Variants in AK1 observed in about 807,000 individuals in gnomAD.
AK1 encodes adenylate kinase isoenzyme 1.
A neutral mutation model predicts 23.9 loss-of-function variants in AK1; 13 were observed. That is an observed-to-expected ratio of 0.54 (90% CI 0.35 to 0.86). The LOEUF (loss-of-function observed/expected upper bound fraction) is 0.86. AK1 is among the 40% of genes least tolerant of loss of function. The pLI is 0.01. For synonymous variants in AK1, 97 were observed against 102.8 expected (o/e 0.94, Z 0.34); for missense variants, 214 against 255.1 (o/e 0.84, Z 1.10).
At chr9:127,878,338 G>C (rs1175664770), upstream of AK1, 1 of 152,264 alleles carries the variant, frequency 6.6e-6, no homozygotes, top group African/African-American at 2.4e-5. Flanking sequence ...AGCCAGAGAG[G>C]GGATTTGCGG....
At chr9:127,873,565 T>C (rs1376784313) in intron 2 of AK1, 3 of 1,429,192 alleles carry the variant, frequency 2.1e-6, no homozygotes, top group Non-Finnish European at 2.7e-6. Flanking sequence ...TATGTTGCCA[T>C]GGAGACAGTT....
chr9:127,873,507 G>C (rs1467192508), intron 2 of AK1: 1 of 1,448,910 alleles, frequency 6.9e-7, no homozygotes, highest in East Asian at 2.5e-5. Context: ...GCCCTGGGCC[G>C]GCCCATCACC....
chr9:127,874,013 A>G (rs990242045), intron 2 of AK1: 69 of 985,296 alleles, frequency 7.0e-5, no homozygotes, highest in Middle Eastern at 5.2e-4. Flanking sequence ...CCGCAGCCCT[A>G]TGGCTGTTGA....
chr9:127,873,608 A>C lies in AK1; in HGVS notation c.8-547T>G. On this transcript the variant is annotated intron_variant, in intron 2 of 6. Transcript: ENST00000644144. Reference sequence around the variant, plus strand: ...TGGAGGGCTGTGGTGGGCATGTGGAACTCTTGCCCAGAGAGGGCGGTGAGC... The same window carrying C: ...TGGAGGGCTGTGGTGGGCATGTGGACCTCTTGCCCAGAGAGGGCGGTGAGC... The C allele has an allele frequency of 5.7e-6, 8 of 1,408,306 alleles. No homozygotes were observed. The South Asian group carries it at 9.7e-5, about 17-fold the overall frequency. The allele number at this position is 1,408,306 out of a possible 1,614,324, so 87.2% of individuals were successfully genotyped here. A position where few individuals can be genotyped will look rare whatever the true frequency, so the allele number is the denominator to read the frequency against.
Position 127,868,404 on chromosome 9 carries a change from TCTC to T in AK1, c.430_432del (p.Glu144del). 1 of 1,612,636 alleles carries T rather than the reference TCTC, an allele frequency of 6.2e-7. No individual in the cohort carries two copies. Among genetic ancestry groups the T allele is most frequent in the Middle Eastern group, 1.7e-4 (1 of 6,026 alleles). ...TAGGTCTCCAGCCGCTTTTTGATGG[TCTC>T]CTCATTGTCGTCCACACGCCCGCTG... On this transcript the variant is annotated inframe_deletion, in exon 6 of 7. Coordinates refer to ENST00000644144, the MANE Select transcript of AK1 (RefSeq NM_000476.3). This position sits in a 1 kb window ranked among gnomAD's most constrained non-coding sequence, Gnocchi z 4.1.
intron 2 of AK1, chr9:127,874,078 C>T: frequency 1.0e-6 from 1 of 985,468 alleles, no homozygotes; most frequent in Non-Finnish European, 1.2e-6. Flanking sequence ...CGCTGGGTGT[C>T]TTTAAGAGCT....
Position 127,867,817 on chromosome 9 carries a change from G to T in AK1, c.*191C>A. On this transcript the variant is annotated 3_prime_UTR_variant, in exon 7 of 7. Coordinates refer to ENST00000644144, the MANE Select transcript of AK1 (RefSeq NM_000476.3). ...CATGAATCAACTCCAACTGGAAGCA[G>T]AGAAAAAGCAGTAAAACCAAATGTC... 1 of 606,408 alleles carries T rather than the reference G, an allele frequency of 1.6e-6. No homozygotes were observed. 37.6% of individuals were successfully genotyped at this position (606,408 alleles called of 1,614,324 possible).
At position 127,877,279 on chromosome 9, in the gene AK1, T is replaced by C. The variant is rs1455729628; in HGVS notation, c.-33+344A>G. Among the ~76,000 whole-genome samples the C allele has an allele frequency of 6.6e-6, 1 of 151,056 alleles. No individual in the cohort carries two copies. The highest frequency in any genetic ancestry group is 1.5e-5 in the Non-Finnish European group (1 of 67,772). ...CTGGGGCAGGGAGCCAGGCCACAGC[T>C]CTCCCTCTCTGGGCCCAAGCTGGGA... On this transcript the variant is annotated intron_variant, in intron 1 of 6. Transcript: ENST00000644144. The surrounding 1 kb of genome is among the most constrained non-coding windows in gnomAD (Gnocchi z 5.2).
chr9:127,873,339 G>T lies in AK1; in HGVS notation c.8-278C>A. On this transcript the variant is annotated intron_variant, in intron 2 of 6. Coordinates refer to ENST00000644144, the MANE Select transcript of AK1 (RefSeq NM_000476.3). ...ACTCTCCACACAGCCAGCGGGCTGG[G>T]CCGCCAGCCCTCATGGCGCCTCCCT... 4 of 1,546,606 alleles carry T rather than the reference G, an allele frequency of 2.6e-6. No individual in the cohort carries two copies. In the South Asian group the frequency reaches 4.7e-5, roughly 18 times the overall value.
intron 2 of AK1, 79 bp from the exon 3 acceptor site, chr9:127,873,140 G>A: frequency 1.3e-6 from 2 of 1,574,284 alleles, no homozygotes; most frequent in African/African-American, 1.4e-5. Context: ...TCCCAGGCCT[G>A]TGCTGGGCCC....
Position 127,866,672 on chromosome 9 carries a change from A to G in AK1, c.*1336T>C, listed in dbSNP as rs1829256048. 6.6e-6 allele frequency: 1 copy of G among 152,214 alleles called. No homozygotes were observed. 9.4% of individuals were successfully genotyped at this position (152,214 alleles called of 1,614,324 possible). A position where few individuals can be genotyped will look rare whatever the true frequency, so the allele number is the denominator to read the frequency against. On this transcript the variant is annotated 3_prime_UTR_variant, in exon 7 of 7. Transcript: ENST00000644144. Reference sequence around the variant, plus strand: ...CCAGATCAGGTGTTAAGGACACGTGAGCACCAAATTGAGCCTTTCTCAGTG... The same window carrying G: ...CCAGATCAGGTGTTAAGGACACGTGGGCACCAAATTGAGCCTTTCTCAGTG...
chr9:127,877,265 A>G lies in AK1; in HGVS notation c.-33+358T>C, dbSNP rs1271145505. Reference sequence around the variant, plus strand: ...CCTGTCCAGGTCCTCTGGGGCAGGGAGCCAGGCCACAGCTCTCCCTCTCTG... The same window carrying G: ...CCTGTCCAGGTCCTCTGGGGCAGGGGGCCAGGCCACAGCTCTCCCTCTCTG... On this transcript the variant is annotated intron_variant, in intron 1 of 6. Coordinates refer to ENST00000644144, the MANE Select transcript of AK1 (RefSeq NM_000476.3). The surrounding 1 kb of genome is among the most constrained non-coding windows in gnomAD (Gnocchi z 5.2). 1.3e-5 allele frequency among the ~76,000 whole-genome samples: 2 copies of G among 151,968 alleles called. No individual in the cohort carries two copies. The highest frequency in any genetic ancestry group is 1.3e-4 in the Admixed American group (2 of 15,260).
At position 127,867,829 on chromosome 9, in the gene AK1, TA is replaced by T; in HGVS notation, c.*178del. ...CCAACTGGAAGCAGAGAAAAAGCAGTAAAACCAAATGTCCTTAGAAATTCCT... is the reference window on the plus strand; with the variant it reads ...CCAACTGGAAGCAGAGAAAAAGCAGTAAACCAAATGTCCTTAGAAATTCCT... On this transcript the variant is annotated 3_prime_UTR_variant, in exon 7 of 7. Transcript: ENST00000644144. The T allele has an allele frequency of 1.6e-6, 1 of 635,682 alleles. No homozygotes were observed. Among genetic ancestry groups the T allele is most frequent in the Non-Finnish European group, 2.8e-6 (1 of 358,770 alleles). 39.4% of individuals were successfully genotyped at this position (635,682 alleles called of 1,614,324 possible).
rs752194585 is a variant in AK1 at position 127,867,994 on chromosome 9, C to A, written c.*14G>T. 6.2e-7 allele frequency: 1 copy of A among 1,613,854 alleles called. No individual in the cohort carries two copies. The highest frequency in any genetic ancestry group is 1.7e-5 in the Admixed American group (1 of 60,014). On this transcript the variant is annotated 3_prime_UTR_variant, in exon 7 of 7. Transcript: ENST00000644144. Reference sequence around the variant, plus strand: ...GGGGCGGGGCTCTGAGCTGGGGAAGCGGCTCCAGCGTTGCTACTTTAGGGC... The same window carrying A: ...GGGGCGGGGCTCTGAGCTGGGGAAGAGGCTCCAGCGTTGCTACTTTAGGGC...
intron 2 of AK1, 62 bp downstream of exon 2, chr9:127,874,549 C>G: frequency 6.2e-7 from 1 of 1,612,142 alleles, no homozygotes; most frequent in Non-Finnish European, 8.5e-7. Context: ...TGAGAGCGCA[C>G]CCCCTTAATA....
intron 1 of AK1, among the ~76,000 whole-genome samples, chr9:127,875,986 C>T (rs1028251887): frequency 1.5e-4 from 23 of 152,386 alleles, no homozygotes; most frequent in African/African-American, 5.3e-4. Flanking sequence ...CACCCGCTTA[C>T]AACCTTGCAT....
chr9:127,878,304 C>T (rs1442751610), upstream of AK1: 6 of 152,238 alleles, frequency 3.9e-5, no homozygotes, highest in East Asian at 1.9e-4. Flanking sequence ...TGGAGTTGCC[C>T]GGGACATTCA....
intron 2 of AK1, chr9:127,873,692 C>T: frequency 7.4e-7 from 1 of 1,355,974 alleles, no homozygotes. Flanking sequence ...GCCACAGCCC[C>T]ACTGGGCAGA....
chr9:127,876,501 T>C (rs963370764), intron 1 of AK1, among the ~76,000 whole-genome samples: 2 of 152,188 alleles, frequency 1.3e-5, no homozygotes, highest in Non-Finnish European at 2.9e-5. Flanking sequence ...CTGATGCCCC[T>C]GCTGCCCCAG....
Sources: allele counts gnomAD v4.1 joint callset (sites outside exome capture counted in the v4.1 genomes callset), GRCh38; gene constraint gnomAD v4.1.1; non-coding constraint Gnocchi (gnomAD v3.1); transcripts MANE v1.5; gene names NCBI Gene and HGNC (gene_info 2026-07-23, HGNC 2026-07-21).